PALLD: variants seen among roughly 807,000 people sequenced by gnomAD.
PALLD encodes palladin, cytoskeletal associated protein.
In PALLD, 61 loss-of-function variants were observed where a neutral mutation model predicts 123.5. That is an observed-to-expected ratio of 0.49 (90% CI 0.40 to 0.61). PALLD has a LOEUF of 0.61. Ranked by LOEUF, PALLD falls within the 20% of genes least tolerant of loss-of-function variation. PALLD has a pLI of 0.00. For synonymous variants in PALLD, 465 were observed against 496.4 expected (o/e 0.94, Z 0.84); for missense variants, 1,273 against 1,377.0 (o/e 0.92, Z 1.20).
chr4:168,854,882 C>T (rs560515092), intron 10 of PALLD, among the ~76,000 whole-genome samples: 2 of 152,286 alleles, frequency 1.3e-5, no homozygotes, highest in South Asian at 4.1e-4. Context: ...AACCCAGGTA[C>T]TTGTAGGACT....
Position 168,658,283 on chromosome 4 carries a change from TGG to T in PALLD, c.909-9906_909-9905del, listed in dbSNP as rs1491177418. 1.7e-4 allele frequency among the ~76,000 whole-genome samples: 23 copies of T among 134,284 alleles called. 1 individual carries two copies. The highest frequency in any genetic ancestry group is 4.4e-4 in the Admixed American group (6 of 13,572). The allele number at this position is 134,284 out of a possible 152,430, so 88.1% of individuals were successfully genotyped here. ...TTTTTGTTGGTGGTGGGTTTTTATT[TGG>T]TTTTTTTTTTTTTTTTTGTGATGAG... On this transcript the variant is annotated intron_variant, in intron 2 of 21. Transcript: ENST00000505667.
At chr4:168,746,201 A>C (rs1174935843) in intron 10 of PALLD, among the ~76,000 whole-genome samples, 1 of 151,970 alleles carries the variant, frequency 6.6e-6, no homozygotes, top group African/African-American at 2.4e-5. Flanking sequence ...AATTCTATAA[A>C]GCCTGCTTGG....
At chr4:168,736,734 C>T (rs1028976472) in intron 10 of PALLD, among the ~76,000 whole-genome samples, 3 of 152,094 alleles carry the variant, frequency 2.0e-5, no homozygotes, top group Non-Finnish European at 4.4e-5. Flanking sequence ...AGCTAACAAG[C>T]GGAACAGCAT....
rs530474422 is a variant in PALLD, at chr4:168,699,825, CA to C, written c.1501+8537del. Among the ~76,000 whole-genome samples, 305 of 152,196 alleles carry C rather than the reference CA, an allele frequency of 2.0e-3. 2 individuals are homozygous for C. The highest frequency in any genetic ancestry group is 7.1e-3 in the African/African-American group (293 of 41,540). On this transcript the variant is annotated intron_variant, in intron 8 of 21. Coordinates refer to ENST00000505667, the MANE Select transcript of PALLD (RefSeq NM_001166108.2). ...AGTAATTTATTAAATGCCCTCAAAT[CA>C]AAACCTTAGGAAATCCAAACATGGG...
At chr4:168,840,060 T>G (rs1158224659) in intron 10 of PALLD, among the ~76,000 whole-genome samples, 5 of 152,232 alleles carry the variant, frequency 3.3e-5, no homozygotes, top group Non-Finnish European at 7.3e-5. Flanking sequence ...TCATTTTCTA[T>G]TTGTCTTCAT....
intron 2 of PALLD, among the ~76,000 whole-genome samples, chr4:168,650,363 G>A (rs1357056705): frequency 1.3e-5 from 2 of 152,162 alleles, no homozygotes; most frequent in African/African-American, 4.8e-5. Flanking sequence ...AAACCACGAT[G>A]GTATAGAATA....
intron 10 of PALLD, among the ~76,000 whole-genome samples, chr4:168,889,103 G>A (rs982701942): frequency 2.7e-5 from 4 of 150,176 alleles, no homozygotes; most frequent in South Asian, 4.2e-4. Context: ...GTGCCTTGAC[G>A]CTTTGGCAGT....
chr4:168,776,467 T>C lies in PALLD; in HGVS notation c.1964+64544T>C, dbSNP rs111427794. 6.3e-3 allele frequency among the ~76,000 whole-genome samples: 962 copies of C among 152,344 alleles called. 10 individuals are homozygous for C. The highest frequency in any genetic ancestry group is 0.022 in the African/African-American group (901 of 41,584). On this transcript the variant is annotated intron_variant, in intron 10 of 21. Coordinates refer to ENST00000505667, the MANE Select transcript of PALLD (RefSeq NM_001166108.2). ...TGCAAATACAGACAGCTTTGCTTCC[T>C]CCTTTCCAAACTAGATGCCTGCTAT...
At chr4:168,641,293 C>T (rs989158541) in intron 2 of PALLD, among the ~76,000 whole-genome samples, 3 of 151,846 alleles carry the variant, frequency 2.0e-5, no homozygotes, top group Admixed American at 6.6e-5. Flanking sequence ...CTGGGATCTG[C>T]GTTTTAATAA....
chr4:168,723,599 C>T (rs879864449), intron 10 of PALLD, among the ~76,000 whole-genome samples: 1 of 152,164 alleles, frequency 6.6e-6, no homozygotes, highest in African/African-American at 2.4e-5. Flanking sequence ...TTTTGCACTA[C>T]GAACCTCTGG....
intron 2 of PALLD, among the ~76,000 whole-genome samples, chr4:168,615,984 AT>A (rs1240505533): frequency 6.6e-6 from 1 of 151,878 alleles, no homozygotes; most frequent in African/African-American, 2.4e-5. Flanking sequence ...TAGTGTTCCC[AT>A]TTTTTTCTTT....
chr4:168,752,603 G>A (rs749998600), intron 10 of PALLD, among the ~76,000 whole-genome samples: 2 of 152,164 alleles, frequency 1.3e-5, no homozygotes, highest in Non-Finnish European at 2.9e-5. Context: ...CTGAGATTAG[G>A]TGGCATTGTG....
intron 10 of PALLD, among the ~76,000 whole-genome samples, chr4:168,857,100 TCTTC>T (rs1207418253): frequency 2.6e-5 from 4 of 152,362 alleles, no homozygotes; most frequent in Non-Finnish European, 4.4e-5. Context: ...TCTAGACCAG[TCTTC>T]CTTCTCTCGA....
intron 2 of PALLD, among the ~76,000 whole-genome samples, chr4:168,548,335 T>C (rs1453930476): frequency 7.6e-6 from 1 of 131,408 alleles, no homozygotes; most frequent in Non-Finnish European, 1.6e-5. Flanking sequence ...ATCATTTCCT[T>C]CTAACTCAGG....
At chr4:168,886,459 T>C (rs1581912949) in intron 10 of PALLD, among the ~76,000 whole-genome samples, 1 of 151,944 alleles carries the variant, frequency 6.6e-6, no homozygotes, top group African/African-American at 2.4e-5. Flanking sequence ...CTGGGCAACA[T>C]AGGGAGAACC....
At chr4:168,857,230 G>T (rs935529763) in intron 10 of PALLD, among the ~76,000 whole-genome samples, 1 of 152,184 alleles carries the variant, frequency 6.6e-6, no homozygotes, top group African/African-American at 2.4e-5. Context: ...GAGTGGGCTG[G>T]TGTATGCTGC....
chr4:168,805,952 T>G (rs1308099352), intron 10 of PALLD, among the ~76,000 whole-genome samples: 1 of 152,222 alleles, frequency 6.6e-6, no homozygotes, highest in Non-Finnish European at 1.5e-5. Flanking sequence ...TACCCAAATC[T>G]CATATCAAAT....
intron 9 of PALLD, among the ~76,000 whole-genome samples, chr4:168,710,707 A>G (rs1784753213): frequency 6.6e-6 from 1 of 152,220 alleles, no homozygotes; most frequent in Non-Finnish European, 1.5e-5. Flanking sequence ...TACAGAGCAA[A>G]GAGGACCCCA....
At chr4:168,697,011 T>G (rs1478806211) in intron 8 of PALLD, among the ~76,000 whole-genome samples, 1 of 152,172 alleles carries the variant, frequency 6.6e-6, no homozygotes, top group East Asian at 1.9e-4. Flanking sequence ...CACGTCATCA[T>G]GAAATTCAGA....
Sources: allele counts gnomAD v4.1 joint callset (sites outside exome capture counted in the v4.1 genomes callset), GRCh38; gene constraint gnomAD v4.1.1; transcripts MANE v1.5; gene names NCBI Gene and HGNC (gene_info 2026-07-23, HGNC 2026-07-21).